Variants in TRPM6 observed in about 807,000 individuals in gnomAD.
TRPM6 encodes the protein channel kinase 2.
A neutral mutation model predicts 247.6 loss-of-function variants in TRPM6; 111 were observed. The ratio of observed to expected loss-of-function variants is 0.45; its 90% CI spans 0.38 to 0.52. The LOEUF (loss-of-function observed/expected upper bound fraction) is 0.52, where lower values mean the gene tolerates loss of function less well. Among genes scored for constraint, TRPM6 ranks in the 20% least tolerant of loss-of-function variants. TRPM6 has a pLI of 0.00. For missense variants in TRPM6, 2,126 were observed against 2,421.5 expected, an observed-to-expected ratio of 0.88 and a Z score of 2.56; for synonymous variants, 892 against 853.8, an observed-to-expected ratio of 1.04 and a Z score of -0.78.
rs1829968469 is a variant in TRPM6 at position 74,842,302 on chromosome 9, T to A, written c.194A>T (p.Asp65Val). The change falls in exon 4 of 39, where the codon GAT (aspartate) becomes GTT (valine). Residue 65 changes from aspartate to valine, a missense_variant. By Grantham distance (152) the Asp-to-Val change is radical. This residue lies in a region of TRPM6 where 1,082 missense variants were observed against 1,307.9 expected (regional missense o/e 0.83). Transcript: ENST00000360774. ...GGCAGCTGAGATGGTCCAGGAATAA[T>A]CTATCCCAGCATGGTCTCCAATCAG... ...GRLIGDHAGI[D>V]YSWTISAAKG... 1 of 1,614,142 alleles carries A rather than the reference T, an allele frequency of 6.2e-7. No homozygotes were observed. Among genetic ancestry groups the A allele is most frequent in the Non-Finnish European group, 8.5e-7 (1 of 1,180,034 alleles).
chr9:74,838,770 C>A (rs557324787), intron 5 of TRPM6, among the ~76,000 whole-genome samples: 1 of 151,900 alleles, frequency 6.6e-6, no homozygotes, highest in African/African-American at 2.4e-5. Flanking sequence ...AGACACTGGG[C>A]AGGGCATGCC....
intron 33 of TRPM6, 132 bp from the exon 34 acceptor site, chr9:74,740,141 A>G (rs1016731306): frequency 1.0e-6 from 1 of 999,474 alleles, no homozygotes; most frequent in East Asian, 2.6e-5. Flanking sequence ...AGCAGGGAAC[A>G]GAACAGAATA....
At chr9:74,823,204 C>T (rs1163912732) in intron 7 of TRPM6, among the ~76,000 whole-genome samples, 1 of 152,208 alleles carries the variant, frequency 6.6e-6, no homozygotes, top group African/African-American at 2.4e-5. Flanking sequence ...CTTCCTCTGG[C>T]CACACCCCTG....
At chr9:74,827,975 G>A (rs764508903) in intron 6 of TRPM6, 26 bp from the exon 7 acceptor site, 31 of 1,612,332 alleles carry the variant, frequency 1.9e-5, no homozygotes, top group Non-Finnish European at 2.5e-5. Flanking sequence ...GACAAGGGAG[G>A]GTCAGAGCTC....
intron 3 of TRPM6, among the ~76,000 whole-genome samples, chr9:74,847,234 T>C (rs1333783015): frequency 6.6e-6 from 1 of 152,158 alleles, no homozygotes; most frequent in Non-Finnish European, 1.5e-5. Context: ...AAGGTCTTAC[T>C]CTGTCACCCA....
intron 27 of TRPM6, among the ~76,000 whole-genome samples, chr9:74,758,196 T>C (rs1026255391): frequency 8.5e-5 from 13 of 152,188 alleles, no homozygotes; most frequent in Non-Finnish European, 1.6e-4. Context: ...ATTCTACGAA[T>C]ACTTCAGACT....
intron 24 of TRPM6, among the ~76,000 whole-genome samples, chr9:74,773,849 T>C (rs944513842): frequency 3.3e-5 from 5 of 152,240 alleles, no homozygotes; most frequent in Admixed American, 6.5e-5. Flanking sequence ...CAGTGCTTTC[T>C]GATTTAAATG....
At chr9:74,757,349 G>A (rs1047075615) in intron 27 of TRPM6, among the ~76,000 whole-genome samples, 1 of 150,666 alleles carries the variant, frequency 6.6e-6, no homozygotes, top group African/African-American at 2.4e-5. Context: ...GGAGGCTGAG[G>A]CAGGCGGATC....
intron 17 of TRPM6, 200 bp downstream of exon 17, chr9:74,800,054 A>G: frequency 4.9e-6 from 3 of 609,052 alleles, no homozygotes; most frequent in Non-Finnish European, 5.9e-6. Flanking sequence ...GCAGAAGACG[A>G]CCATCCCCGA....
intron 5 of TRPM6, among the ~76,000 whole-genome samples, chr9:74,838,064 T>G (rs183599795): frequency 6.6e-6 from 1 of 152,282 alleles, no homozygotes; most frequent in Non-Finnish European, 1.5e-5. Context: ...TGTTGTTTAG[T>G]GGAGATCCAA....
intron 9 of TRPM6, among the ~76,000 whole-genome samples, chr9:74,819,628 C>T (rs1829073965): frequency 6.6e-6 from 1 of 152,006 alleles, no homozygotes; most frequent in Admixed American, 6.6e-5. Flanking sequence ...ATTTTTTATC[C>T]CAGAGTTTAT....
At chr9:74,878,210 T>A (rs1831250851) in intron 1 of TRPM6, among the ~76,000 whole-genome samples, 1 of 152,096 alleles carries the variant, frequency 6.6e-6, no homozygotes. Flanking sequence ...ACTGCTACTG[T>A]CATCATTCAC....
At chr9:74,787,797 C>T (rs1234717108) in intron 20 of TRPM6, among the ~76,000 whole-genome samples, 3 of 152,196 alleles carry the variant, frequency 2.0e-5, no homozygotes, top group Non-Finnish European at 4.4e-5. Context: ...CTCACTGCAA[C>T]CTCCACCTCC....
At chr9:74,725,541 GA>G (rs1825288871) in intron 38 of TRPM6, among the ~76,000 whole-genome samples, 1 of 152,130 alleles carries the variant, frequency 6.6e-6, no homozygotes, top group African/African-American at 2.4e-5. Flanking sequence ...GTCATGGGGG[GA>G]ATCCAGTGGG....
intron 9 of TRPM6, among the ~76,000 whole-genome samples, chr9:74,818,079 C>T (rs1232376463): frequency 2.0e-5 from 3 of 152,160 alleles, no homozygotes. Flanking sequence ...AACCCAATTC[C>T]TATCACCTGC....
At chr9:74,851,077 C>G (rs188486187) in intron 3 of TRPM6, among the ~76,000 whole-genome samples, 72 of 151,444 alleles carry the variant, frequency 4.8e-4, no homozygotes, top group African/African-American at 1.7e-3. Flanking sequence ...TTCTGATTAT[C>G]TATTTGATTT....
chr9:74,815,699 T>C (rs1373587055), intron 11 of TRPM6, among the ~76,000 whole-genome samples: 2 of 152,168 alleles, frequency 1.3e-5, no homozygotes, highest in Non-Finnish European at 2.9e-5. Flanking sequence ...TATAGCAATA[T>C]GACATTATTT....
At chr9:74,870,068 C>T (rs1830974464) in intron 1 of TRPM6, among the ~76,000 whole-genome samples, 1 of 152,128 alleles carries the variant, frequency 6.6e-6, no homozygotes, top group Non-Finnish European at 1.5e-5. Context: ...CACAGACCCC[C>T]TTTTTATTAC....
At position 74,840,053 on chromosome 9, in the gene TRPM6, G is replaced by A. The variant is rs202053435; in HGVS notation, c.515C>T (p.Ala172Val). 1.9e-5 allele frequency: 30 copies of A among 1,613,908 alleles called. No individual in the cohort carries two copies. The highest frequency in any genetic ancestry group is 2.0e-5 in the Non-Finnish European group (24 of 1,179,976). Residue 172 changes from alanine to valine, a missense_variant, in exon 5 of 39, where the codon GCG (alanine) becomes GTG (valine). Physicochemically the swap from Ala to Val is moderately conservative, Grantham distance 64. This residue lies in a region of TRPM6 where 1,082 missense variants were observed against 1,307.9 expected (regional missense o/e 0.83). Transcript: ENST00000360774. ...ATTGATGCCTTCAGTTATTATCCAC[G>A]CTCCTGTTGTCTCTGCAGCTTTAAC... ...GLVKAAETTG[A>V]WIITEGINTG... is the part of the protein sequence containing the mutation.
Sources: allele counts gnomAD v4.1 joint callset (sites outside exome capture counted in the v4.1 genomes callset), GRCh38; gene constraint gnomAD v4.1.1; regional missense constraint gnomAD v4.1.1; transcripts MANE v1.5; gene names NCBI Gene and HGNC (gene_info 2026-07-23, HGNC 2026-07-21).